GALNT1: variants seen among roughly 807,000 people sequenced by gnomAD.
The protein encoded by GALNT1 is polypeptide N-acetylgalactosaminyltransferase 1.
In GALNT1, 17 loss-of-function variants were observed where a neutral mutation model predicts 65.7. The ratio of observed to expected loss-of-function variants is 0.26; its 90% CI spans 0.18 to 0.39. The LOEUF is 0.39. Ranked by LOEUF, GALNT1 falls within the 10% of genes least tolerant of loss-of-function variation. The pLI, the probability that GALNT1 is intolerant of heterozygous loss-of-function variation, is 1.00. For missense variants in GALNT1, 460 were observed against 672.8 expected, an observed-to-expected ratio of 0.68 and a Z score of 3.50; for synonymous variants, 210 against 219.7, an observed-to-expected ratio of 0.96 and a Z score of 0.39.
At chr18:35,584,948 T>G (rs926438754) in intron 1 of GALNT1, among the ~76,000 whole-genome samples, 1 of 152,228 alleles carries the variant, frequency 6.6e-6, no homozygotes, top group African/African-American at 2.4e-5. Flanking sequence ...GAGCGATTAA[T>G]GTGTGCCACA....
chr18:35,610,276 C>T (rs989012117), intron 1 of GALNT1, among the ~76,000 whole-genome samples: 5 of 152,198 alleles, frequency 3.3e-5, no homozygotes, highest in African/African-American at 1.2e-4. Flanking sequence ...TGGCTCCCTG[C>T]TCTTCCAGGC....
intron 3 of GALNT1, among the ~76,000 whole-genome samples, chr18:35,664,847 C>T (rs1244563471): frequency 6.6e-6 from 1 of 152,238 alleles, no homozygotes; most frequent in Non-Finnish European, 1.5e-5. Context: ...AGCTTGCCTC[C>T]TCCAGAGAAG....
chr18:35,627,716 G>A (rs540535106), intron 1 of GALNT1, among the ~76,000 whole-genome samples: 40 of 151,976 alleles, frequency 2.6e-4, no homozygotes, highest in African/African-American at 6.8e-4. Context: ...GGGGATTGTC[G>A]GACAGTGGGT....
At chr18:35,704,675 G>A (rs530337848) in intron 11 of GALNT1, among the ~76,000 whole-genome samples, 31 of 145,928 alleles carry the variant, frequency 2.1e-4, no homozygotes, top group Admixed American at 1.8e-3. Flanking sequence ...ATGGAGTCTC[G>A]CTCTTATCGC....
intron 1 of GALNT1, among the ~76,000 whole-genome samples, chr18:35,635,361 C>T (rs954792393): frequency 2.0e-5 from 3 of 152,184 alleles, no homozygotes; most frequent in Non-Finnish European, 4.4e-5. Flanking sequence ...GACCCCACAC[C>T]AGACACCAGG....
intron 1 of GALNT1, among the ~76,000 whole-genome samples, chr18:35,637,181 A>C (rs932953823): frequency 1.3e-5 from 2 of 152,156 alleles, no homozygotes; most frequent in Non-Finnish European, 2.9e-5. Flanking sequence ...AAAGGATGCA[A>C]ATTAATAACC....
Position 35,709,859 on chromosome 18 carries a change from GAA to G in GALNT1, c.*92_*93del. ...GCCACATTCTTAAGTAGCAAAAAAGGAAAAGTGCTTTCCTCCTCTGCAGGATG... is the reference window on the plus strand; with the variant it reads ...GCCACATTCTTAAGTAGCAAAAAAGGAAGTGCTTTCCTCCTCTGCAGGATG... On this transcript the variant is annotated 3_prime_UTR_variant, in exon 12 of 12. Transcript: ENST00000269195. The G allele has an allele frequency of 6.9e-7, 1 of 1,456,624 alleles. No individual in the cohort carries two copies. Among genetic ancestry groups the G allele is most frequent in the Non-Finnish European group, 9.4e-7 (1 of 1,068,824 alleles). The allele number at this position is 1,456,624 out of a possible 1,614,324, so 90.2% of individuals were successfully genotyped here.
intron 1 of GALNT1, among the ~76,000 whole-genome samples, chr18:35,590,312 C>T (rs940633347): frequency 6.6e-6 from 1 of 152,110 alleles, no homozygotes; most frequent in African/African-American, 2.4e-5. Flanking sequence ...CGTTATGAGA[C>T]TCCTTTAAAT....
rs549912499 is a variant in GALNT1 at position 35,654,637 on chromosome 18, A to T, written c.-26A>T. 290 of 1,286,400 alleles carry T rather than the reference A, an allele frequency of 2.3e-4. No individual in the cohort carries two copies. Among genetic ancestry groups the T allele is most frequent in the Admixed American group, 1.8e-4 (5 of 27,094 alleles). 79.7% of individuals were successfully genotyped at this position (1,286,400 alleles called of 1,614,324 possible). A position where few individuals can be genotyped will look rare whatever the true frequency, so the allele number is the denominator to read the frequency against. On this transcript the variant is annotated 5_prime_UTR_variant, in exon 2 of 12. It removes the in-frame stop codon of an upstream open reading frame in the 5' UTR. Transcript: ENST00000269195. ...TGTATATTTATATATATATATTTTT[A>T]AATTTTGCATTTGACTTAAAGTGCC...
Position 35,654,767 on chromosome 18 carries a change from TG to T in GALNT1, c.106del (p.Glu36LysfsTer13). On this transcript the variant is annotated frameshift_variant, in exon 2 of 12. Coordinates refer to ENST00000269195, the MANE Select transcript of GALNT1 (RefSeq NM_020474.4). LOFTEE classifies it high-confidence loss of function. ...ACTTCAGTGAATGCAACAAATGTGATGAAAAAAAGGAGAGAGGACTTCCTGC... is the reference window on the plus strand; with the variant it reads ...ACTTCAGTGAATGCAACAAATGTGATAAAAAAAGGAGAGAGGACTTCCTGC... ...LYFSECNKCDEKKERGLPAGD... is the reference protein window; with the variant it reads ...LYFSECNKCDXKKERGLPAGD... 6.4e-7 allele frequency: 1 copy of T among 1,563,224 alleles called. No individual in the cohort carries two copies. Among genetic ancestry groups the T allele is most frequent in the Non-Finnish European group, 8.7e-7 (1 of 1,151,924 alleles).
chr18:35,649,950 CA>C (rs2144358678), intron 1 of GALNT1, among the ~76,000 whole-genome samples: 1 of 152,282 alleles, frequency 6.6e-6, no homozygotes, highest in East Asian at 1.9e-4. Flanking sequence ...TTGTGACAGA[CA>C]GTGCCTTTGC....
At chr18:35,647,251 T>G (rs186251182) in intron 1 of GALNT1, among the ~76,000 whole-genome samples, 8 of 152,008 alleles carry the variant, frequency 5.3e-5, no homozygotes, top group Admixed American at 2.0e-4. Flanking sequence ...TGTAGAGCTG[T>G]GTACCTTCTT....
intron 1 of GALNT1, among the ~76,000 whole-genome samples, chr18:35,583,523 A>C (rs1368558157): frequency 6.6e-6 from 1 of 152,120 alleles, no homozygotes; most frequent in Non-Finnish European, 1.5e-5. Flanking sequence ...TTTTCCAGCC[A>C]TGTATCACTG....
intron 1 of GALNT1, among the ~76,000 whole-genome samples, chr18:35,643,675 G>A (rs2047194095): frequency 6.6e-6 from 1 of 151,928 alleles, no homozygotes; most frequent in African/African-American, 2.4e-5. Context: ...GCAGGCACCT[G>A]TAGTCCCAGC....
chr18:35,607,908 A>G (rs900214755), intron 1 of GALNT1, among the ~76,000 whole-genome samples: 1 of 152,164 alleles, frequency 6.6e-6, no homozygotes, highest in African/African-American at 2.4e-5. Context: ...GGGGTTCTGT[A>G]ACTGCTGGAA....
At chr18:35,638,708 A>G (rs1162872854) in intron 1 of GALNT1, among the ~76,000 whole-genome samples, 9 of 152,144 alleles carry the variant, frequency 5.9e-5, no homozygotes, top group Admixed American at 5.9e-4. Context: ...CACAGTGACC[A>G]ATCTCCTACA....
chr18:35,671,420 C>T (rs1208688868), intron 3 of GALNT1, among the ~76,000 whole-genome samples: 1 of 152,094 alleles, frequency 6.6e-6, no homozygotes, highest in Non-Finnish European at 1.5e-5. Flanking sequence ...GGTCTCACGC[C>T]ACGTTGCCCA....
chr18:35,614,837 T>A (rs2046762846), intron 1 of GALNT1, among the ~76,000 whole-genome samples: 2 of 151,806 alleles, frequency 1.3e-5, no homozygotes, highest in South Asian at 2.1e-4. Flanking sequence ...CAATAATAAA[T>A]GTAATAAAAA....
In GALNT1 at chr18:35,654,485, A is replaced by G. The variant is rs971244624; in HGVS notation, c.-103-75A>G. The stretch of plus-strand genomic sequence containing the variant: ...ATTCATATTACTTAATGTTTATAAT[A>G]TTAAATTAATTTTATAATTCACTTT... On this transcript the variant is annotated intron_variant, in intron 1 of 11. Transcript: ENST00000269195. 7 of 213,874 alleles carry G rather than the reference A, an allele frequency of 3.3e-5. No homozygotes were observed. In the South Asian group the frequency reaches 1.3e-3, roughly 39 times the overall value. The allele number at this position is 213,874 out of a possible 1,614,324, so 13.2% of individuals were successfully genotyped here. A position where few individuals can be genotyped will look rare whatever the true frequency, so the allele number is the denominator to read the frequency against.
Sources: gnomAD v4.1 joint callset for allele counts (sites outside exome capture counted in the v4.1 genomes callset) on GRCh38, gnomAD v4.1.1 for gene constraint, MANE v1.5 for transcripts, NCBI Gene and HGNC (gene_info 2026-07-23, HGNC 2026-07-21) for gene names.